Variants in ZNF549 observed in about 807,000 individuals in gnomAD.
ZNF549 encodes zinc finger protein 549.
ZNF549 carries 11 observed loss-of-function variants against 11.1 expected under a neutral mutation model. The ratio of observed to expected loss-of-function variants is 0.99; its 90% confidence interval spans 0.62 to 1.64. The LOEUF is 1.64. ZNF549 is among the 40% of genes most tolerant of loss of function. The pLI is 0.00. For missense variants in ZNF549, 748 were observed against 765.1 expected, an observed-to-expected ratio of 0.98 and a Z score of 0.26; for synonymous variants, 266 against 269.1, an observed-to-expected ratio of 0.99 and a Z score of 0.11.
chr19:57,534,150 C>T (rs1230450738), intron 2 of ZNF549, among the ~76,000 whole-genome samples: 1 of 152,172 alleles, frequency 6.6e-6, no homozygotes, highest in African/African-American at 2.4e-5. Flanking sequence ...AGAGTATTCT[C>T]TAATGACTGG....
chr19:57,537,270 C>T lies in ZNF549; in HGVS notation c.266C>T (p.Ser89Leu), dbSNP rs1486228770. The T allele has an allele frequency of 2.5e-6, 4 of 1,614,210 alleles. No homozygotes were observed. The highest frequency in any genetic ancestry group is 4.5e-5 in the East Asian group (2 of 44,884). ...CAGACTCTTTCTGCGCAAGGAGTGT[C>T]ACAGGCCAGGACTCCAAAGCTAGGT... ...SEQTLSAQGVSQARTPKLGPS... is the reference protein window; with the variant it reads ...SEQTLSAQGVLQARTPKLGPS... The change falls in exon 4 of 4, where the codon TCA (serine) becomes TTA (leucine). Residue 89 changes from serine (S) to leucine (L), a missense_variant. Physicochemically the swap from Ser to Leu is moderately radical, Grantham distance 145. Coordinates refer to ENST00000376233, the MANE Select transcript of ZNF549 (RefSeq NM_001199295.2).
rs763257601 is a variant in ZNF549, at chr19:57,537,213, A to G, written c.209A>G (p.His70Arg). 5.6e-6 allele frequency: 9 copies of G among 1,609,944 alleles called. No homozygotes were observed. Among genetic ancestry groups the G allele is most frequent in the Non-Finnish European group, 7.6e-6 (9 of 1,177,862 alleles). Residue 70 changes from histidine (H) to arginine (R), a missense_variant, in exon 4 of 4, where the codon CAT becomes CGT. His to Arg is a conservative substitution (Grantham distance 29, BLOSUM62 0). Coordinates refer to ENST00000376233, the MANE Select transcript of ZNF549 (RefSeq NM_001199295.2). Reference sequence around the variant, plus strand: ...ATTTTTATGCTTTTAGGTTGTTTGCATGGAATAGAGGCTGAGGAGGCCCCT... The same window carrying G: ...ATTTTTATGCTTTTAGGTTGTTTGCGTGGAATAGAGGCTGAGGAGGCCCCT... ...FSLMASVGCL[H>R]GIEAEEAPSE...
At chr19:57,528,172 C>T (rs2089887666) in intron 1 of ZNF549, among the ~76,000 whole-genome samples, 1 of 152,068 alleles carries the variant, frequency 6.6e-6, no homozygotes, top group Admixed American at 6.5e-5. Context: ...AAAGGTAAAG[C>T]CAGCAGGATT....
At position 57,527,437 on chromosome 19, in the gene ZNF549, C is replaced by A; in HGVS notation, c.-137C>A. ...GGGCCAGGTAACTGGAGCCGGAAAC[C>A]GGTGGAGGTGGTGTCCGCCCGCAGA... On this transcript the variant is annotated 5_prime_UTR_variant, in exon 1 of 4. Transcript: ENST00000376233. 1 of 1,247,650 alleles carries A rather than the reference C, an allele frequency of 8.0e-7. No individual in the cohort carries two copies. 77.3% of individuals were successfully genotyped at this position (1,247,650 alleles called of 1,614,324 possible). A position where few individuals can be genotyped will look rare whatever the true frequency, so the allele number is the denominator to read the frequency against.
chr19:57,535,128 T>C lies in ZNF549; in HGVS notation c.73-16T>C. The C allele has an allele frequency of 6.2e-7, 1 of 1,612,858 alleles. No homozygotes were observed. The highest frequency in any genetic ancestry group is 1.3e-5 in the African/African-American group (1 of 75,022). ...GATTGAGTCTGCTCATGATTTCATC[T>C]GCCCCCATCATGCAGGGCCATGTGA... On this transcript the variant is annotated splice_polypyrimidine_tract_variant and intron_variant, in intron 2 of 3. Coordinates refer to ENST00000376233, the MANE Select transcript of ZNF549 (RefSeq NM_001199295.2).
chr19:57,530,266 T>TG (rs1234533700), intron 1 of ZNF549, among the ~76,000 whole-genome samples: 6 of 152,164 alleles, frequency 3.9e-5, no homozygotes, highest in Non-Finnish European at 7.4e-5. Context: ...TATAAAATCT[T>TG]GAACAATGAG....
intron 1 of ZNF549, among the ~76,000 whole-genome samples, chr19:57,528,103 GA>G (rs1221526847): frequency 6.6e-6 from 1 of 152,212 alleles, no homozygotes; most frequent in Non-Finnish European, 1.5e-5. Flanking sequence ...GATTATGGTG[GA>G]TTCTGGACCA....
intron 1 of ZNF549, 136 bp downstream of exon 1, chr19:57,527,742 G>T: frequency 9.0e-7 from 1 of 1,105,550 alleles, no homozygotes; most frequent in Non-Finnish European, 1.3e-6. Flanking sequence ...GCTGACGGGC[G>T]GTGAGGTGAA....
At chr19:57,532,333 AT>A (rs1167495189) in intron 2 of ZNF549, among the ~76,000 whole-genome samples, 1 of 152,192 alleles carries the variant, frequency 6.6e-6, no homozygotes, top group Admixed American at 6.5e-5. Context: ...AGGATTTATT[AT>A]ATTCATAGGT....
Position 57,537,343 on chromosome 19 carries a change from GAAAGAC to G in ZNF549, c.341_346del (p.Lys114_Asp115del). The G allele has an allele frequency of 6.2e-7, 1 of 1,614,212 alleles. No homozygotes were observed. Among genetic ancestry groups the G allele is most frequent in the Non-Finnish European group, 8.5e-7 (1 of 1,180,032 alleles). ...CTTGTGAGATGTGTATCCTGGTCAT[GAAAGAC>G]ATTTTGTACCTCAGTGAGCATCAGG... On this transcript the variant is annotated inframe_deletion, in exon 4 of 4. Coordinates refer to ENST00000376233, the MANE Select transcript of ZNF549 (RefSeq NM_001199295.2).
chr19:57,533,316 C>G (rs981794771), intron 2 of ZNF549, among the ~76,000 whole-genome samples: 1 of 152,090 alleles, frequency 6.6e-6, no homozygotes, highest in Non-Finnish European at 1.5e-5. Context: ...TATGCTTTTT[C>G]TCTCCCATTA....
At chr19:57,535,036 A>G (rs939512074) in intron 2 of ZNF549, 108 bp from the exon 3 acceptor site, 1 of 1,455,912 alleles carries the variant, frequency 6.9e-7, no homozygotes, top group Non-Finnish European at 9.3e-7. Flanking sequence ...GGGAGACACC[A>G]TAAGGACCTG....
intron 1 of ZNF549, 78 bp from the exon 2 acceptor site, chr19:57,530,992 C>T: frequency 7.1e-7 from 1 of 1,400,484 alleles, no homozygotes. Context: ...TCTAGTGTCA[C>T]ACAGTTGGCA....
Position 57,538,999 on chromosome 19 carries a change from A to C in ZNF549, c.*72A>C. The stretch of plus-strand genomic sequence containing the variant: ...GAGCTGATTTTTCAAGGGATCCAAC[A>C]GACAGAAATTCACCCTCATACATCT... On this transcript the variant is annotated 3_prime_UTR_variant, in exon 4 of 4. Transcript: ENST00000376233. 1 of 1,490,496 alleles carries C rather than the reference A, an allele frequency of 6.7e-7. No individual in the cohort carries two copies. The highest frequency in any genetic ancestry group is 1.3e-5 in the South Asian group (1 of 76,314). The allele number at this position is 1,490,496 out of a possible 1,614,324, so 92.3% of individuals were successfully genotyped here.
chr19:57,536,464 G>C lies in ZNF549; in HGVS notation c.200-740G>C, dbSNP rs116256450. On this transcript the variant is annotated intron_variant, in intron 3 of 3. Transcript: ENST00000376233. ...GGTTTCTACTGAATGTGTCACTTTC[G>C]TATCATCATAAAGTGGAAAAATCAT... Among the ~76,000 whole-genome samples the C allele has an allele frequency of 2.6e-3, 400 of 152,216 alleles. 4 individuals carry two copies. The highest frequency in any genetic ancestry group is 9.1e-3 in the African/African-American group (380 of 41,544).
At chr19:57,531,523 A>G (rs972010901) in intron 2 of ZNF549, among the ~76,000 whole-genome samples, 1 of 152,198 alleles carries the variant, frequency 6.6e-6, no homozygotes, top group Admixed American at 6.5e-5. Flanking sequence ...AACTCAGAGT[A>G]CAATATTTTT....
Position 57,537,334 on chromosome 19 carries a change from C to G in ZNF549, c.330C>G (p.Ile110Met). 3.1e-6 allele frequency: 5 copies of G among 1,614,180 alleles called. No individual in the cohort carries two copies. Among genetic ancestry groups the G allele is most frequent in the Non-Finnish European group, 4.2e-6 (5 of 1,180,022 alleles). ...IPNAHSCEMC[I>M]LVMKDILYLS... ...ATGCTCATTCTTGTGAGATGTGTAT[C>G]CTGGTCATGAAAGACATTTTGTACC... is the stretch of plus-strand genomic sequence containing the variant. The change falls in exon 4 of 4, where the codon ATC becomes ATG. Residue 110 changes from isoleucine (I) to methionine (M), a missense_variant. By Grantham distance (10) the Ile-to-Met change is conservative. Coordinates refer to ENST00000376233, the MANE Select transcript of ZNF549 (RefSeq NM_001199295.2).
intron 1 of ZNF549, 137 bp downstream of exon 1, chr19:57,527,743 G>A: frequency 9.2e-7 from 1 of 1,088,326 alleles, no homozygotes; most frequent in South Asian, 1.5e-5. Context: ...CTGACGGGCG[G>A]TGAGGTGAAG....
Position 57,538,893 on chromosome 19 carries a change from G to A in ZNF549, c.1889G>A (p.Arg630Lys). 1 of 1,606,654 alleles carries A rather than the reference G, an allele frequency of 6.2e-7. No individual in the cohort carries two copies. The highest frequency in any genetic ancestry group is 1.1e-5 in the South Asian group (1 of 91,062). Residue 630 changes from arginine (R) to lysine (K), a missense_variant, in exon 4 of 4, where the codon AGG becomes AAG. Physicochemically the swap from Arg to Lys is conservative, Grantham distance 26 (BLOSUM62 2). Coordinates refer to ENST00000376233, the MANE Select transcript of ZNF549 (RefSeq NM_001199295.2). ...KAFNKRYSLV[R>K]HQKVHITEEP Reference sequence around the variant, plus strand: ...TTCAACAAAAGATATTCCCTTGTCAGGCACCAGAAGGTACATATAACAGAA... The same window carrying A: ...TTCAACAAAAGATATTCCCTTGTCAAGCACCAGAAGGTACATATAACAGAA...
Sources: gnomAD v4.1 joint callset for allele counts (sites outside exome capture counted in the v4.1 genomes callset) on GRCh38, gnomAD v4.1.1 for gene constraint, MANE v1.5 for transcripts, NCBI Gene and HGNC (gene_info 2026-07-23, HGNC 2026-07-21) for gene names.